Variants in COL22A1 observed in about 807,000 individuals in gnomAD.
COL22A1 encodes the protein collagen type XXII alpha 1 chain.
A neutral mutation model predicts 248.9 loss-of-function variants in COL22A1; 221 were observed. The observed-to-expected ratio is 0.89, with a 90% CI of 0.80 to 0.99. The LOEUF (loss-of-function observed/expected upper bound fraction) is 0.99. COL22A1 is among the 50% of genes least tolerant of loss of function. The probability of loss-of-function intolerance (pLI) is 0.00; values close to 1 mark genes in which losing one functional copy is unlikely to be tolerated. For missense variants in COL22A1, 2,240 were observed against 2,179.0 expected, an observed-to-expected ratio of 1.03 and a Z score of -0.56; for synonymous variants, 891 against 793.4, an observed-to-expected ratio of 1.12 and a Z score of -2.07.
At chr8:138,645,768 T>C (rs1822152614) in intron 47 of COL22A1, among the ~76,000 whole-genome samples, 1 of 152,354 alleles carries the variant, frequency 6.6e-6, no homozygotes, top group East Asian at 1.9e-4. Context: ...GACAATTTTA[T>C]GCCACCTCTT....
intron 41 of COL22A1, among the ~76,000 whole-genome samples, chr8:138,664,189 A>G (rs1824241525): frequency 1.6e-5 from 2 of 121,884 alleles, no homozygotes; most frequent in African/African-American, 3.0e-5. Flanking sequence ...TTCTCCAACA[A>G]GGGGTGCGCG....
chr8:138,889,141 G>A (rs1265159546), intron 1 of COL22A1, among the ~76,000 whole-genome samples: 1 of 152,132 alleles, frequency 6.6e-6, no homozygotes, highest in African/African-American at 2.4e-5. Flanking sequence ...TGGAGAGAAG[G>A]TATGTGTCTC....
At chr8:138,862,229 A>T (rs1415436232) in intron 3 of COL22A1, among the ~76,000 whole-genome samples, 1 of 152,018 alleles carries the variant, frequency 6.6e-6, no homozygotes, top group East Asian at 1.9e-4. Context: ...AAATGAAGAA[A>T]TACATAAATA....
chr8:138,730,898 G>A (rs1360958760), intron 23 of COL22A1, among the ~76,000 whole-genome samples: 1 of 151,886 alleles, frequency 6.6e-6, no homozygotes, highest in Non-Finnish European at 1.5e-5. Context: ...GGGGAGGGGA[G>A]GAAGAGACAC....
At chr8:138,840,561 G>T (rs1006837484) in intron 4 of COL22A1, among the ~76,000 whole-genome samples, 2 of 134,240 alleles carry the variant, frequency 1.5e-5, no homozygotes, top group Non-Finnish European at 3.3e-5. Context: ...ACACACACGC[G>T]CTCCTGAATC....
intron 13 of COL22A1, among the ~76,000 whole-genome samples, chr8:138,779,978 C>A (rs1384040703): frequency 1.3e-5 from 2 of 152,154 alleles, no homozygotes; most frequent in Non-Finnish European, 2.9e-5. Flanking sequence ...CCTATGCTGG[C>A]CTTGAAATCC....
intron 59 of COL22A1, among the ~76,000 whole-genome samples, chr8:138,603,432 C>G (rs1199805103): frequency 2.0e-5 from 3 of 152,070 alleles, no homozygotes; most frequent in Non-Finnish European, 4.4e-5. Flanking sequence ...AGAGTGAGGA[C>G]CAAGCCTTGG....
intron 8 of COL22A1, among the ~76,000 whole-genome samples, 167 bp from the exon 9 acceptor site, chr8:138,812,088 C>G (rs1053745917): frequency 1.3e-5 from 2 of 152,228 alleles, no homozygotes. Flanking sequence ...CCGGCCCAGG[C>G]TCAGCCATTT....
At chr8:138,904,856 G>A (rs1267926597) in intron 1 of COL22A1, among the ~76,000 whole-genome samples, 3 of 152,102 alleles carry the variant, frequency 2.0e-5, no homozygotes, top group East Asian at 1.9e-4. Flanking sequence ...CACATGCAGC[G>A]CCTCCCCTTT....
intron 16 of COL22A1, among the ~76,000 whole-genome samples, chr8:138,766,355 G>A (rs1048574106): frequency 5.3e-5 from 8 of 152,226 alleles, no homozygotes; most frequent in Middle Eastern, 3.4e-3. Flanking sequence ...ACATGGCTGC[G>A]GGCCTGATGG....
At chr8:138,861,536 A>G (rs1586909675) in intron 3 of COL22A1, among the ~76,000 whole-genome samples, 2 of 152,164 alleles carry the variant, frequency 1.3e-5, no homozygotes, top group South Asian at 4.1e-4. Flanking sequence ...CTTCTGGGGC[A>G]GCTGCTGCCA....
chr8:138,831,145 A>G (rs1820015457), intron 5 of COL22A1, among the ~76,000 whole-genome samples: 1 of 152,206 alleles, frequency 6.6e-6, no homozygotes, highest in Non-Finnish European at 1.5e-5. Flanking sequence ...AGGGTCTGAC[A>G]CAGTGCCTGG....
At chr8:138,825,413 T>C (rs1384625337) in intron 6 of COL22A1, among the ~76,000 whole-genome samples, 2 of 152,136 alleles carry the variant, frequency 1.3e-5, no homozygotes, top group Admixed American at 6.5e-5. Flanking sequence ...TGGGTTCAAA[T>C]CTCAACCCCT....
At chr8:138,592,508 G>A (rs1451082618) in intron 63 of COL22A1, among the ~76,000 whole-genome samples, 1 of 152,066 alleles carries the variant, frequency 6.6e-6, no homozygotes, top group Non-Finnish European at 1.5e-5. Context: ...TATATATTTT[G>A]TTTTATGAAA....
chr8:138,738,208 T>C (rs145808706), intron 22 of COL22A1, among the ~76,000 whole-genome samples: 212 of 152,300 alleles, frequency 1.4e-3, no homozygotes, highest in African/African-American at 4.9e-3. Context: ...GTAGGTTACT[T>C]AGGGCGTTTC....
chr8:138,604,848 T>G (rs760045440), intron 58 of COL22A1, 79 bp from the exon 59 acceptor site: 3 of 1,189,232 alleles, frequency 2.5e-6, no homozygotes, highest in Non-Finnish European at 3.7e-6. Context: ...AAAACTGACA[T>G]TTCCACTCAA....
Position 138,685,188 on chromosome 8 carries a change from AC to A in COL22A1, c.2967+19del. 1.3e-6 allele frequency: 2 copies of A among 1,517,416 alleles called. No homozygotes were observed. The highest frequency in any genetic ancestry group is 1.8e-6 in the Non-Finnish European group (2 of 1,099,286). 94.0% of individuals were successfully genotyped at this position (1,517,416 alleles called of 1,614,324 possible). A position where few individuals can be genotyped will look rare whatever the true frequency, so the allele number is the denominator to read the frequency against. On this transcript the variant is annotated intron_variant, in intron 38 of 64. Coordinates refer to ENST00000303045, the MANE Select transcript of COL22A1 (RefSeq NM_152888.3). ...TCACCTGGTTTCTACAGGCACTGGG[AC>A]CCCCGACCTTCCACTTACCGGCTCT...
rs759112344 is a variant in COL22A1, at chr8:138,811,819, A to G, written c.1429T>C (p.Ser477Pro). Residue 477 changes from serine (S) to proline (P), a missense_variant, in exon 9 of 65, where the codon TCC (serine) becomes CCC (proline). Physicochemically the swap from Ser to Pro is moderately conservative, Grantham distance 74 (BLOSUM62 -1). Transcript: ENST00000303045. ...AATACCTTCTCTCCAGCTGGGCAGG[A>G]GCAGTTGATGGTCTTCAAAAACCCA... ...QIGFLKTINC[S>P]CPAGEKGEMG... 1.3e-6 allele frequency: 2 copies of G among 1,542,134 alleles called. No homozygotes were observed. The highest frequency in any genetic ancestry group is 1.1e-5 in the South Asian group (1 of 90,026).
At chr8:138,591,608 A>G (rs10106999) in intron 63 of COL22A1, 107 bp from the exon 64 acceptor site, 201,096 of 780,632 alleles carry the variant, frequency 0.26, 37,748 homozygotes, top group African/African-American at 0.85. Context: ...CTGCTGTGGC[A>G]TTCCAGTCTA....
Sources: allele counts gnomAD v4.1 joint callset (sites outside exome capture counted in the v4.1 genomes callset), GRCh38; gene constraint gnomAD v4.1.1; transcripts MANE v1.5; gene names NCBI Gene and HGNC (gene_info 2026-07-23, HGNC 2026-07-21).